NSA2: variants seen among roughly 807,000 people sequenced by gnomAD.
The protein encoded by NSA2 is ribosome biogenesis protein NSA2 homolog.
NSA2 carries 18 observed loss-of-function variants against 34.8 expected under a neutral mutation model. The ratio of observed to expected loss-of-function variants is 0.52; its 90% confidence interval spans 0.36 to 0.77. NSA2 has a LOEUF of 0.77. Ranked by LOEUF, NSA2 falls within the 30% of genes least tolerant of loss-of-function variation. The pLI is 0.00. For synonymous variants in NSA2, 79 were observed against 100.2 expected, an observed-to-expected ratio of 0.79 and a Z score of 1.26; for missense variants, 188 against 314.7, an observed-to-expected ratio of 0.60 and a Z score of 3.05.
intron 4 of NSA2, 69 bp downstream of exon 4, chr5:74,770,879 T>C (rs866497906): frequency 8.4e-7 from 1 of 1,184,364 alleles, no homozygotes; most frequent in Middle Eastern, 2.0e-4. Context: ...AAGAACATTA[T>C]CATTTCCTGA....
At chr5:74,769,509 AT>A in intron 3 of NSA2, 145 bp downstream of exon 3, 2 of 644,826 alleles carry the variant, frequency 3.1e-6, no homozygotes, top group Non-Finnish European at 4.7e-6. Context: ...TGTAAATTTA[AT>A]AAAAAACTTG....
chr5:74,774,409 C>G (rs1745043311), intron 5 of NSA2, among the ~76,000 whole-genome samples: 1 of 151,920 alleles, frequency 6.6e-6, no homozygotes, highest in Non-Finnish European at 1.5e-5. Context: ...TGAGACCAGC[C>G]TGGCCAACAT....
In NSA2 at chr5:74,778,752, G is replaced by A. The variant is rs1266114212; in HGVS notation, c.*2081G>A. On this transcript the variant is annotated 3_prime_UTR_variant, in exon 6 of 6. Transcript: ENST00000610426. ...TAACCATCTGCTTTATATTACACAA[G>A]GAAATATACACGTATGTACATAAAA... The A allele has an allele frequency of 6.6e-6, 1 of 151,898 alleles. No homozygotes were observed. Among genetic ancestry groups the A allele is most frequent in the East Asian group, 1.9e-4 (1 of 5,198 alleles). 9.4% of individuals were successfully genotyped at this position (151,898 alleles called of 1,614,324 possible).
chr5:74,776,455 A>G, intron 5 of NSA2, 149 bp from the exon 6 acceptor site: 1 of 574,606 alleles, frequency 1.7e-6, no homozygotes, highest in Admixed American at 3.0e-5. Context: ...AGTGAGCCAG[A>G]TCACGCCACC....
Position 74,772,065 on chromosome 5 carries a change from CA to C in NSA2, c.522+1258del, listed in dbSNP as rs560780331. Reference sequence around the variant, plus strand: ...AGTTAGATACACAGCCTCAAAAAAACAAAGTATCAGAGAGAGGAAAGTTGCA... The same window carrying C: ...AGTTAGATACACAGCCTCAAAAAAACAAGTATCAGAGAGAGGAAAGTTGCA... On this transcript the variant is annotated intron_variant, in intron 4 of 5. Coordinates refer to ENST00000610426, the MANE Select transcript of NSA2 (RefSeq NM_014886.6). 2.8e-4 allele frequency among the ~76,000 whole-genome samples: 43 copies of C among 151,074 alleles called. No individual in the cohort carries two copies. In the East Asian group the frequency reaches 7.8e-3, roughly 27 times the overall value.
At position 74,777,948 on chromosome 5, in the gene NSA2, G is replaced by A. The variant is rs765527881; in HGVS notation, c.*1277G>A. On this transcript the variant is annotated 3_prime_UTR_variant, in exon 6 of 6. Transcript: ENST00000610426. Reference sequence around the variant, plus strand: ...TAGTTCCTTGGAAATGACGATCCAGGATGATACAATCACTTGATGACAGAA... The same window carrying A: ...TAGTTCCTTGGAAATGACGATCCAGAATGATACAATCACTTGATGACAGAA... 14 of 152,024 alleles carry A rather than the reference G, an allele frequency of 9.2e-5. No individual in the cohort carries two copies. Among genetic ancestry groups the A allele is most frequent in the Non-Finnish European group, 1.6e-4 (11 of 67,894 alleles). The allele number at this position is 152,024 out of a possible 1,614,324, so 9.4% of individuals were successfully genotyped here.
At chr5:74,769,601 G>A in intron 3 of NSA2, 1 of 352,822 alleles carries the variant, frequency 2.8e-6, no homozygotes, top group South Asian at 6.6e-5. Context: ...AGCTGGTAAG[G>A]AGTGAATTTC....
rs1269069659 is a variant in NSA2, at chr5:74,776,676, A to G, written c.*5A>G. 6.9e-7 allele frequency: 1 copy of G among 1,449,838 alleles called. No homozygotes were observed. Among genetic ancestry groups the G allele is most frequent in the South Asian group, 1.1e-5 (1 of 87,574 alleles). 89.8% of individuals were successfully genotyped at this position (1,449,838 alleles called of 1,614,324 possible). ...AATGCAGTCTTACTGGTTTGACAGC[A>G]ATTTCATATATAATTATTGAGGACT... On this transcript the variant is annotated 3_prime_UTR_variant, in exon 6 of 6. Coordinates refer to ENST00000610426, the MANE Select transcript of NSA2 (RefSeq NM_014886.6).
chr5:74,768,427 G>C (rs1744789371), intron 1 of NSA2, among the ~76,000 whole-genome samples: 1 of 152,162 alleles, frequency 6.6e-6, no homozygotes, highest in South Asian at 2.1e-4. Flanking sequence ...TCAAACTGAG[G>C]GTTGGGAAAG....
chr5:74,773,136 T>G (rs1247173086), intron 4 of NSA2, among the ~76,000 whole-genome samples: 1 of 152,266 alleles, frequency 6.6e-6, no homozygotes, highest in Non-Finnish European at 1.5e-5. Flanking sequence ...TGGAAACAAG[T>G]CATTTAACCT....
intron 1 of NSA2, 45 bp from the exon 2 acceptor site, chr5:74,768,885 GT>G (rs1383909232): frequency 7.5e-7 from 1 of 1,334,744 alleles, no homozygotes; most frequent in African/African-American, 1.5e-5. Flanking sequence ...TAGAATAATT[GT>G]CAGTACTTTA....
At chr5:74,771,820 C>G (rs1230592309) in intron 4 of NSA2, among the ~76,000 whole-genome samples, 2 of 147,294 alleles carry the variant, frequency 1.4e-5, no homozygotes, top group Non-Finnish European at 3.0e-5. Flanking sequence ...TGCCACTGCA[C>G]TCCAGCCTGG....
chr5:74,772,904 T>G (rs772536792), intron 4 of NSA2, among the ~76,000 whole-genome samples: 4 of 152,172 alleles, frequency 2.6e-5, no homozygotes, highest in Non-Finnish European at 5.9e-5. Flanking sequence ...TTGTGACGTT[T>G]AAAGTACTAC....
chr5:74,778,984 A>C lies in NSA2; in HGVS notation c.*2313A>C, dbSNP rs1745268174. On this transcript the variant is annotated 3_prime_UTR_variant, in exon 6 of 6. Transcript: ENST00000610426. ...AATTGTGGTATAAATTCTATACTCA[A>C]GTTACTGAACATGAGAGTTAGGTTT... 1 of 152,138 alleles carries C rather than the reference A, an allele frequency of 6.6e-6. No homozygotes were observed. The highest frequency in any genetic ancestry group is 2.4e-5 in the African/African-American group (1 of 41,458). The allele number at this position is 152,138 out of a possible 1,614,324, so 9.4% of individuals were successfully genotyped here. A position where few individuals can be genotyped will look rare whatever the true frequency, so the allele number is the denominator to read the frequency against.
chr5:74,772,691 C>CT (rs1318494538), intron 4 of NSA2, among the ~76,000 whole-genome samples: 1 of 152,144 alleles, frequency 6.6e-6, no homozygotes, highest in Non-Finnish European at 1.5e-5. Context: ...TTTTGGTAGC[C>CT]TTAACAGTTC....
intron 1 of NSA2, among the ~76,000 whole-genome samples, chr5:74,768,058 C>T (rs1399813281): frequency 6.6e-6 from 1 of 152,170 alleles, no homozygotes; most frequent in East Asian, 1.9e-4. Flanking sequence ...GTGTTTAAAA[C>T]GTGTCTAAAA....
rs1236732799 is a variant in NSA2, at chr5:74,778,887, G to T, written c.*2216G>T. On this transcript the variant is annotated 3_prime_UTR_variant, in exon 6 of 6. Coordinates refer to ENST00000610426, the MANE Select transcript of NSA2 (RefSeq NM_014886.6). ...CACATTTTCAGTCCTCTGTAATTGT[G>T]AAATTTTTTCTAATGCCTTGCAAAA... 6.6e-6 allele frequency: 1 copy of T among 152,024 alleles called. No homozygotes were observed. Among genetic ancestry groups the T allele is most frequent in the East Asian group, 1.9e-4 (1 of 5,198 alleles). 9.4% of individuals were successfully genotyped at this position (152,024 alleles called of 1,614,324 possible).
intron 1 of NSA2, 120 bp from the exon 2 acceptor site, chr5:74,768,811 A>G (rs886920097): frequency 1.3e-6 from 1 of 749,006 alleles, no homozygotes. Context: ...TGGTGCAAGA[A>G]TCATTTAAGT....
chr5:74,768,252 G>A (rs1433349142), intron 1 of NSA2, among the ~76,000 whole-genome samples: 1 of 152,208 alleles, frequency 6.6e-6, no homozygotes, highest in Non-Finnish European at 1.5e-5. Context: ...GTAAACAGTG[G>A]TGTATCCATA....
Sources: gnomAD v4.1 joint callset for allele counts (sites outside exome capture counted in the v4.1 genomes callset) on GRCh38, gnomAD v4.1.1 for gene constraint, MANE v1.5 for transcripts, NCBI Gene and HGNC (gene_info 2026-07-23, HGNC 2026-07-21) for gene names.